The following NDRG3 variants were observed in gnomAD, a reference collection of about 807,000 sequenced individuals.
NDRG3 encodes NDRG family member 3.
Under a neutral mutation model 57.2 loss-of-function variants are expected in NDRG3, and 23 were observed. The ratio of observed to expected loss-of-function variants is 0.40; its 90% CI spans 0.29 to 0.57. NDRG3 has a LOEUF of 0.57. Ranked by LOEUF, NDRG3 falls within the 20% of genes least tolerant of loss-of-function variation. The probability of loss-of-function intolerance (pLI) is 0.42; values close to 1 mark genes in which losing one functional copy is unlikely to be tolerated. For synonymous variants in NDRG3, 132 were observed against 162.6 expected, an observed-to-expected ratio of 0.81 and a Z score of 1.43; for missense variants, 384 against 457.3, an observed-to-expected ratio of 0.84 and a Z score of 1.46.
In NDRG3 at chr20:36,729,113, T is replaced by C. The variant is rs1305425195; in HGVS notation, c.-48-7330A>G. Among the ~76,000 whole-genome samples, 4 of 152,098 alleles carry C rather than the reference T, an allele frequency of 2.6e-5. No homozygotes were observed. In the East Asian group the frequency reaches 5.8e-4, roughly 22 times the overall value. ...TACTGATTGTAGGACCCTGAGCAAG[T>C]TTTTTCCTCTTTACCCAGCCTGTGG... On this transcript the variant is annotated intron_variant, in intron 1 of 15. Coordinates refer to ENST00000349004, the MANE Select transcript of NDRG3 (RefSeq NM_032013.4).
At chr20:36,657,507 T>C (rs1600849525) in intron 13 of NDRG3, among the ~76,000 whole-genome samples, 1 of 150,976 alleles carries the variant, frequency 6.6e-6, no homozygotes, top group African/African-American at 2.4e-5. Context: ...AAAAGGAACG[T>C]ACATTTCTAA....
At chr20:36,665,786 TG>T (rs1260173022) in intron 10 of NDRG3, among the ~76,000 whole-genome samples, 2 of 152,080 alleles carry the variant, frequency 1.3e-5, no homozygotes, top group Non-Finnish European at 2.9e-5. Context: ...TTTGTAGAGA[TG>T]GGGTTTCACT....
intron 1 of NDRG3, among the ~76,000 whole-genome samples, chr20:36,722,284 A>G (rs970790138): frequency 2.6e-5 from 4 of 152,198 alleles, no homozygotes; most frequent in African/African-American, 4.8e-5. Flanking sequence ...GCCTGGAAGC[A>G]GATCCTTCCC....
At chr20:36,733,324 T>C (rs951379563) in intron 1 of NDRG3, among the ~76,000 whole-genome samples, 2 of 151,862 alleles carry the variant, frequency 1.3e-5, no homozygotes, top group South Asian at 2.1e-4. Context: ...GTTTGGCCTT[T>C]GTCAGGCCTT....
chr20:36,687,034 T>G (rs1348670701), intron 5 of NDRG3, among the ~76,000 whole-genome samples: 2 of 152,032 alleles, frequency 1.3e-5, no homozygotes, highest in Admixed American at 1.3e-4. Flanking sequence ...AATTTTTCAA[T>G]TTTTTGTAGA....
At chr20:36,744,190 C>T (rs1327700073) in intron 1 of NDRG3, among the ~76,000 whole-genome samples, 3 of 152,178 alleles carry the variant, frequency 2.0e-5, no homozygotes, top group Admixed American at 6.5e-5. Context: ...GCGTGAGCCG[C>T]AGCGCCCGGT....
chr20:36,731,535 C>T (rs994418432), intron 1 of NDRG3, among the ~76,000 whole-genome samples: 6 of 152,042 alleles, frequency 3.9e-5, no homozygotes, highest in East Asian at 1.9e-4. Context: ...AGGCCAGGCG[C>T]GATGGGTCAC....
chr20:36,686,938 T>G (rs1227924540), intron 5 of NDRG3, among the ~76,000 whole-genome samples: 2 of 152,016 alleles, frequency 1.3e-5, no homozygotes, highest in African/African-American at 4.8e-5. Context: ...CACTGCAGCC[T>G]CAATCCCCTG....
At chr20:36,670,905 T>A (rs1186498069) in intron 9 of NDRG3, among the ~76,000 whole-genome samples, 1 of 152,206 alleles carries the variant, frequency 6.6e-6, no homozygotes, top group Non-Finnish European at 1.5e-5. Flanking sequence ...TAACTGCCAC[T>A]TTCTGTGAAG....
Position 36,652,146 on chromosome 20 carries a change from C to G in NDRG3, c.*1374G>C, listed in dbSNP as rs557892266. 1 of 152,286 alleles carries G rather than the reference C, an allele frequency of 6.6e-6. No homozygotes were observed. The highest frequency in any genetic ancestry group is 2.4e-5 in the African/African-American group (1 of 41,462). 9.4% of individuals were successfully genotyped at this position (152,286 alleles called of 1,614,324 possible). A position where few individuals can be genotyped will look rare whatever the true frequency, so the allele number is the denominator to read the frequency against. ...TCTTTCTAATGGCTGGGAGCAATGA[C>G]TCATGCCTGTAATCCCAGCACTTTG... On this transcript the variant is annotated 3_prime_UTR_variant, in exon 16 of 16. Coordinates refer to ENST00000349004, the MANE Select transcript of NDRG3 (RefSeq NM_032013.4).
rs753240850 is a variant in NDRG3 at position 36,682,622 on chromosome 20, T to G, written c.384-44A>C. The G allele has an allele frequency of 5.2e-6, 8 of 1,532,508 alleles. No individual in the cohort carries two copies. The South Asian group carries it at 9.0e-5, about 17-fold the overall frequency. The allele number at this position is 1,532,508 out of a possible 1,614,324, so 94.9% of individuals were successfully genotyped here. ...GACAACTGACAGAGTCAACTTCATT[T>G]GCAGGCAGCATTGCATAATTGAAAG... is the stretch of plus-strand genomic sequence containing the variant. On this transcript the variant is annotated intron_variant, in intron 6 of 15. Coordinates refer to ENST00000349004, the MANE Select transcript of NDRG3 (RefSeq NM_032013.4).
At position 36,681,505 on chromosome 20, in the gene NDRG3, G is replaced by A. The variant is rs1384130397; in HGVS notation, c.445-603C>T. On this transcript the variant is annotated intron_variant, in intron 7 of 15. Transcript: ENST00000349004. ...GCAAAAATTAGCTGGGTGTGGTAGT[G>A]GGCGCCTGTAATCCCAGCTACTCAG... is the stretch of plus-strand genomic sequence containing the variant. Among the ~76,000 whole-genome samples, 2 of 151,224 alleles carry A rather than the reference G, an allele frequency of 1.3e-5. 1 individual carries two copies. The highest frequency in any genetic ancestry group is 1.3e-4 in the Admixed American group (2 of 15,172).
At chr20:36,663,062 T>A (rs1979340645) in intron 12 of NDRG3, among the ~76,000 whole-genome samples, 1 of 152,210 alleles carries the variant, frequency 6.6e-6, no homozygotes, top group Non-Finnish European at 1.5e-5. Context: ...TTTGGCAGCA[T>A]GTATCTCCAC....
At chr20:36,744,183 T>C (rs944513714) in intron 1 of NDRG3, among the ~76,000 whole-genome samples, 4 of 152,154 alleles carry the variant, frequency 2.6e-5, no homozygotes, top group Admixed American at 6.5e-5. Context: ...ATTACAGGCG[T>C]GAGCCGCAGC....
At chr20:36,667,181 C>T (rs1235878988) in intron 9 of NDRG3, among the ~76,000 whole-genome samples, 5 of 152,080 alleles carry the variant, frequency 3.3e-5, no homozygotes, top group Admixed American at 2.6e-4. Flanking sequence ...ATATATACCA[C>T]CATTTAATAT....
At chr20:36,715,004 GTGTATATATATA>G (rs1252363297) in intron 2 of NDRG3, among the ~76,000 whole-genome samples, 856 of 32,362 alleles carry the variant, frequency 0.026, 5 homozygotes, top group Non-Finnish European at 0.031. Context: ...GTGTGTGTGT[GTGTATATATATA>G]TATATATATA....
chr20:36,707,591 A>C (rs1452950775), intron 2 of NDRG3, among the ~76,000 whole-genome samples: 1 of 152,240 alleles, frequency 6.6e-6, no homozygotes, highest in African/African-American at 2.4e-5. Context: ...GCATCCTATG[A>C]AATCGCTGAT....
intron 3 of NDRG3, among the ~76,000 whole-genome samples, chr20:36,694,982 C>T (rs1001165675): frequency 6.6e-6 from 1 of 152,138 alleles, no homozygotes; most frequent in African/African-American, 2.4e-5. Context: ...TGCAGGAAGT[C>T]AGGGACCCCA....
intron 1 of NDRG3, among the ~76,000 whole-genome samples, chr20:36,734,488 T>C (rs1014432969): frequency 1.3e-5 from 2 of 152,188 alleles, no homozygotes; most frequent in Non-Finnish European, 2.9e-5. Context: ...CCCTGATATG[T>C]AGTGAATAAC....
Sources: gnomAD v4.1 joint callset for allele counts (sites outside exome capture counted in the v4.1 genomes callset) on GRCh38, gnomAD v4.1.1 for gene constraint, MANE v1.5 for transcripts, NCBI Gene and HGNC (gene_info 2026-07-23, HGNC 2026-07-21) for gene names.